WDR4: variants seen among roughly 807,000 people sequenced by gnomAD.
The protein encoded by WDR4 is WDR4 tRNA N7-guanosine methyltransferase non-catalytic subunit.
A neutral mutation model predicts 48.6 loss-of-function variants in WDR4; 47 were observed. The observed-to-expected ratio is 0.97, with a 90% CI of 0.77 to 1.23. The LOEUF (loss-of-function observed/expected upper bound fraction) is 1.23. WDR4 is among the 50% of genes most tolerant of loss of function. The probability of loss-of-function intolerance (pLI) is 0.00; values close to 1 mark genes in which losing one functional copy is unlikely to be tolerated. For missense variants in WDR4, 606 were observed against 551.6 expected (o/e 1.10, Z -0.99); for synonymous variants, 268 against 230.0 (o/e 1.17, Z -1.49).
intron 10 of WDR4, 59 bp from the exon 11 acceptor site, chr21:42,850,301 C>A: frequency 6.8e-7 from 1 of 1,463,046 alleles, no homozygotes; most frequent in East Asian, 2.4e-5. Flanking sequence ...ACTCGGCCAC[C>A]ACAGCGGGCC....
the WDR4 span, among the ~76,000 whole-genome samples, chr21:42,885,888 G>T: frequency 2.6e-5 from 4 of 151,776 alleles, no homozygotes; most frequent in African/African-American, 9.7e-5. Flanking sequence ...TAGAGACGGG[G>T]GTCTTGTTCT....
intron 2 of WDR4, 23 bp from the exon 3 acceptor site, chr21:42,873,714 G>A (rs781419410): frequency 1.1e-5 from 18 of 1,608,066 alleles, no homozygotes; most frequent in East Asian, 4.5e-5. Flanking sequence ...GGAGGAAGAC[G>A]GTTAAGCTTC....
chr21:42,851,762 TGA>T (rs2057834327), intron 10 of WDR4, among the ~76,000 whole-genome samples: 1 of 152,206 alleles, frequency 6.6e-6, no homozygotes, highest in African/African-American at 2.4e-5. Flanking sequence ...TCCCCTCAGC[TGA>T]GTGTTCCTGT....
At chr21:42,878,868 TA>T in intron 1 of WDR4, 1 of 812,544 alleles carries the variant, frequency 1.2e-6, no homozygotes, top group Non-Finnish European at 1.5e-6. Flanking sequence ...CTTGGAGCCC[TA>T]AGGAGCAATT....
the WDR4 span, among the ~76,000 whole-genome samples, chr21:42,885,395 A>C: frequency 2.0e-5 from 3 of 151,940 alleles, no homozygotes; most frequent in South Asian, 6.2e-4. Flanking sequence ...CAGACCACCT[A>C]AGGTCAGGAG....
At chr21:42,880,829 G>C (rs2058602419), upstream of WDR4, among the ~76,000 whole-genome samples, 1 of 152,060 alleles carries the variant, frequency 6.6e-6, no homozygotes, top group African/African-American at 2.4e-5. Flanking sequence ...CCACATTTTG[G>C]CAGCTGGTGG....
intron 3 of WDR4, among the ~76,000 whole-genome samples, chr21:42,866,517 G>T (rs1025320026): frequency 4.6e-5 from 7 of 152,154 alleles, no homozygotes; most frequent in Non-Finnish European, 8.8e-5. Flanking sequence ...TCTGGGGAGC[G>T]GGTGCATCAG....
chr21:42,858,410 T>A (rs955887027), intron 6 of WDR4, among the ~76,000 whole-genome samples: 1 of 152,186 alleles, frequency 6.6e-6, no homozygotes, highest in South Asian at 2.1e-4. Context: ...AGCAACCAGC[T>A]GGAGAGCACA....
At chr21:42,885,432 G>A in the WDR4 span, among the ~76,000 whole-genome samples, 19 of 152,048 alleles carry the variant, frequency 1.2e-4, no homozygotes, top group Non-Finnish European at 1.5e-5. Flanking sequence ...CCAACATGGT[G>A]AAACCCCATC....
intron 1 of WDR4, among the ~76,000 whole-genome samples, chr21:42,877,783 G>T (rs1330637011): frequency 1.3e-5 from 2 of 152,056 alleles, no homozygotes; most frequent in Non-Finnish European, 2.9e-5. Flanking sequence ...GGTGGTTCAC[G>T]CCTGTAATCC....
rs767251107 is a variant in WDR4, at chr21:42,873,596, C to T, written c.251G>A (p.Arg84His). The change falls in exon 3 of 11, where the codon CGT becomes CAT. Residue 84 changes from arginine to histidine, a missense_variant. Transcript: ENST00000398208. ...SYFALTDDSK[R>H]LILFRTKPWQ... ...TGGTTTTGTACGGAAAAGAATCAGA[C>T]GCTTACTGTCATCGGTTAAAGCAAA... 8 of 1,614,072 alleles carry T rather than the reference C, an allele frequency of 5.0e-6. No homozygotes were observed. The highest frequency in any genetic ancestry group is 1.1e-5 in the South Asian group (1 of 91,088).
chr21:42,847,951 G>A (rs2057725497), downstream of WDR4, among the ~76,000 whole-genome samples: 1 of 152,214 alleles, frequency 6.6e-6, no homozygotes, highest in African/African-American at 2.4e-5. Flanking sequence ...CAGCGTGAAG[G>A]AGGCCAGGCT....
chr21:42,892,620 AGAG>A, the WDR4 span, among the ~76,000 whole-genome samples: 2 of 152,238 alleles, frequency 1.3e-5, no homozygotes, highest in Non-Finnish European at 2.9e-5. Context: ...GGCGGAAGGC[AGAG>A]AAGAGGCAGA....
upstream of WDR4, among the ~76,000 whole-genome samples, chr21:42,880,183 G>C (rs1193273575): frequency 6.6e-6 from 1 of 151,932 alleles, no homozygotes; most frequent in South Asian, 2.1e-4. Flanking sequence ...GTCTCGGGTG[G>C]CGTCAAGTCT....
intron 1 of WDR4, among the ~76,000 whole-genome samples, chr21:42,877,817 G>C (rs1188984005): frequency 2.0e-5 from 3 of 152,044 alleles, no homozygotes; most frequent in Non-Finnish European, 4.4e-5. Context: ...GGCCGAGATG[G>C]GCGGATCACG....
chr21:42,855,910 A>C, intron 6 of WDR4, 130 bp from the exon 7 acceptor site: 1 of 598,510 alleles, frequency 1.7e-6, no homozygotes, highest in Non-Finnish European at 2.8e-6. Context: ...TCAGGAATTA[A>C]AGGCTCTCTG....
chr21:42,877,535 T>C (rs938163605), intron 1 of WDR4, among the ~76,000 whole-genome samples: 1 of 151,914 alleles, frequency 6.6e-6, no homozygotes, highest in African/African-American at 2.4e-5. Context: ...GCACACTCAT[T>C]AAATTAAAAG....
rs778534556 is a variant in WDR4, at chr21:42,879,518, T to A, written c.-23A>T. 41 of 1,611,840 alleles carry A rather than the reference T, an allele frequency of 2.5e-5. No individual in the cohort carries two copies. Among genetic ancestry groups the A allele is most frequent in the Middle Eastern group, 1.6e-4 (1 of 6,082 alleles). Reference sequence around the variant, plus strand: ...CATGTACCCGCCCGCCTCACCGCCATACACATGTGCCAGCCCAGAGCCTCT... The same window carrying A: ...CATGTACCCGCCCGCCTCACCGCCAAACACATGTGCCAGCCCAGAGCCTCT... On this transcript the variant is annotated 5_prime_UTR_variant, in exon 1 of 11. An upstream start codon of the reference 5' UTR is lost. Transcript: ENST00000398208.
chr21:42,857,483 G>A (rs571387508), intron 6 of WDR4, among the ~76,000 whole-genome samples: 7 of 152,242 alleles, frequency 4.6e-5, no homozygotes, highest in South Asian at 4.1e-4. Context: ...AGATGGCATC[G>A]CCAGACATCC....
Sources: allele counts gnomAD v4.1 joint callset (sites outside exome capture counted in the v4.1 genomes callset), GRCh38; gene constraint gnomAD v4.1.1; transcripts MANE v1.5; gene names NCBI Gene and HGNC (gene_info 2026-07-23, HGNC 2026-07-21).